Variants in NFKB1 observed in about 807,000 individuals in gnomAD.
NFKB1 encodes nuclear factor kappa B subunit 1.
NFKB1 carries 9 observed loss-of-function variants against 105.1 expected under a neutral mutation model. The observed-to-expected ratio is 0.09, with a 90% confidence interval of 0.05 to 0.15. The LOEUF is 0.15. NFKB1 is among the 10% of genes least tolerant of loss of function. The probability of loss-of-function intolerance (pLI) is 1.00; values close to 1 mark genes in which losing one functional copy is unlikely to be tolerated. For synonymous variants in NFKB1, 440 were observed against 442.2 expected (o/e 1.00, Z 0.06); for missense variants, 830 against 1,203.7 (o/e 0.69, Z 4.59).
At chr4:102,559,238 A>G (rs537792171) in intron 5 of NFKB1, among the ~76,000 whole-genome samples, 6 of 152,326 alleles carry the variant, frequency 3.9e-5, no homozygotes, top group African/African-American at 1.2e-4. Flanking sequence ...GTCTTTTAAT[A>G]TAGAGAAATA....
chr4:102,522,594 G>A (rs1578717544), intron 1 of NFKB1, among the ~76,000 whole-genome samples: 1 of 152,178 alleles, frequency 6.6e-6, no homozygotes, highest in Non-Finnish European at 1.5e-5. Flanking sequence ...TTAAAAATTA[G>A]AGTGAGGACT....
intron 7 of NFKB1, chr4:102,577,750 C>T: frequency 1.1e-6 from 1 of 883,060 alleles, no homozygotes; most frequent in South Asian, 5.2e-5. Context: ...CTCACTGACT[C>T]CCCCTCCTCG....
At chr4:102,568,204 TTGAC>T (rs1342574608) in intron 6 of NFKB1, among the ~76,000 whole-genome samples, 1 of 152,170 alleles carries the variant, frequency 6.6e-6, no homozygotes, top group Non-Finnish European at 1.5e-5. Context: ...ATTTCTTTGT[TTGAC>T]TGTGAAAATA....
rs766773037 is a variant in NFKB1, at chr4:102,613,574, G to A, written c.2742G>A (p.Gln914=). The change falls in exon 23 of 24, where the codon CAG becomes CAA. Residue 914 remains glutamine, a synonymous_variant. Transcript: ENST00000226574. ...SLPLSPASTR[Q]QIDELRDSDS... ...CTCTCTCGCCTGCCTCCACAAGGCA[G>A]CAAATAGGTAAAAAAAAAGACAAAA... 1.2e-6 allele frequency: 2 copies of A among 1,611,342 alleles called. No individual in the cohort carries two copies. The highest frequency in any genetic ancestry group is 2.2e-5 in the South Asian group (2 of 90,856).
intron 16 of NFKB1, among the ~76,000 whole-genome samples, chr4:102,602,493 C>T (rs572773187): frequency 2.0e-5 from 3 of 150,934 alleles, no homozygotes; most frequent in East Asian, 2.0e-4. Context: ...GAGGCGAGAT[C>T]GCGCCACTGC....
rs1265189601 is a variant in NFKB1 at position 102,510,953 on chromosome 4, A to G, written c.-8+9165A>G. ...GAGATATGAAAAGAACCACCAGGTA[A>G]ACTAAAAAGAAAAAGAGTGTTAAAA... On this transcript the variant is annotated intron_variant, in intron 1 of 23. Transcript: ENST00000226574. 5.5e-6 allele frequency: 7 copies of G among 1,283,830 alleles called. No individual in the cohort carries two copies. In the East Asian group the frequency reaches 3.9e-4, roughly 71 times the overall value. The allele number at this position is 1,283,830 out of a possible 1,614,324, so 79.5% of individuals were successfully genotyped here. A position where few individuals can be genotyped will look rare whatever the true frequency, so the allele number is the denominator to read the frequency against.
intron 5 of NFKB1, among the ~76,000 whole-genome samples, chr4:102,559,095 T>C (rs1202267130): frequency 6.6e-6 from 1 of 151,668 alleles, no homozygotes; most frequent in Admixed American, 6.6e-5. Context: ...GTGCCAAAGC[T>C]AAGATTGCTC....
At chr4:102,611,331 T>C (rs974737336) in intron 20 of NFKB1, among the ~76,000 whole-genome samples, 1 of 103,080 alleles carries the variant, frequency 9.7e-6, no homozygotes, top group Admixed American at 1.1e-4. Context: ...ACAGCCTGTA[T>C]GTGTCCAGCT....
At position 102,593,454 on chromosome 4, in the gene NFKB1, A is replaced by C; in HGVS notation, c.1096A>C (p.Lys366Gln). 1 of 1,613,636 alleles carries C rather than the reference A, an allele frequency of 6.2e-7. No homozygotes were observed. Among genetic ancestry groups the C allele is most frequent in the Non-Finnish European group, 8.5e-7 (1 of 1,179,654 alleles). Residue 366 changes from lysine to glutamine, a missense_variant, in exon 12 of 24, where the codon AAG (lysine) becomes CAG (glutamine). By Grantham distance (53) the Lys-to-Gln change is moderately conservative (BLOSUM62 1). Transcript: ENST00000226574. ...DKEEVQRKRQ[K>Q]LMPNFSDSFG... is the part of the protein sequence containing the mutation. ...AGAAGAAGTGCAGAGGAAACGTCAG[A>C]AGCTCATGCCCAATTTTTCGGATAG...
rs371885579 is a variant in NFKB1, at chr4:102,534,627, A to G, written c.159+742A>G. On this transcript the variant is annotated intron_variant, in intron 4 of 23. Coordinates refer to ENST00000226574, the MANE Select transcript of NFKB1 (RefSeq NM_003998.4). ...TGTCTGCCTATAGGAGGTTTCAGTT[A>G]TTAGGGAATGGAAATAATGGTGTAG... is the stretch of plus-strand genomic sequence containing the variant. Among the ~76,000 whole-genome samples, 23 of 152,330 alleles carry G rather than the reference A, an allele frequency of 1.5e-4. No individual in the cohort carries two copies. In the East Asian group the frequency reaches 2.3e-3, roughly 15 times the overall value.
intron 5 of NFKB1, among the ~76,000 whole-genome samples, chr4:102,543,335 T>C (rs1296780919): frequency 3.9e-5 from 6 of 152,140 alleles, no homozygotes; most frequent in Non-Finnish European, 2.9e-5. Context: ...GTCCACTCTA[T>C]GCAAAACCAG....
intron 1 of NFKB1, among the ~76,000 whole-genome samples, chr4:102,523,654 C>A (rs1027422469): frequency 6.6e-6 from 1 of 152,180 alleles, no homozygotes. Flanking sequence ...ATGGTCAGAG[C>A]AGATCTGTCT....
At chr4:102,556,662 C>T (rs1723010264) in intron 5 of NFKB1, among the ~76,000 whole-genome samples, 1 of 152,008 alleles carries the variant, frequency 6.6e-6, no homozygotes, top group Admixed American at 6.5e-5. Flanking sequence ...TTGCAAAGGG[C>T]CTCAGATTAA....
chr4:102,608,416 T>G (rs1728028281), intron 19 of NFKB1, among the ~76,000 whole-genome samples: 1 of 152,226 alleles, frequency 6.6e-6, no homozygotes, highest in Non-Finnish European at 1.5e-5. Context: ...GTGACAGAGC[T>G]ATGAATCACA....
intron 4 of NFKB1, among the ~76,000 whole-genome samples, chr4:102,534,094 T>G (rs536380569): frequency 6.6e-6 from 1 of 152,344 alleles, no homozygotes; most frequent in Non-Finnish European, 1.5e-5. Context: ...TATGTAGTTC[T>G]GTAAAACTGC....
intron 17 of NFKB1, 62 bp from the exon 18 acceptor site, chr4:102,607,088 A>G (rs1025100848): frequency 1.3e-6 from 2 of 1,553,924 alleles, no homozygotes; most frequent in African/African-American, 1.4e-5. Context: ...CTTCAGCTTC[A>G]CAAGGGCCAT....
At chr4:102,605,508 C>CTGAT (rs1727634534) in intron 16 of NFKB1, among the ~76,000 whole-genome samples, 1 of 152,156 alleles carries the variant, frequency 6.6e-6, no homozygotes, top group Non-Finnish European at 1.5e-5. Context: ...GTGAAATAAA[C>CTGAT]TGATTTGTAT....
rs570991104 is a variant in NFKB1, at chr4:102,583,003, G to A, written c.927+46G>A. 1.3e-5 allele frequency: 17 copies of A among 1,335,826 alleles called. No individual in the cohort carries two copies. In the South Asian group the frequency reaches 1.5e-4, roughly 12 times the overall value. 82.7% of individuals were successfully genotyped at this position (1,335,826 alleles called of 1,614,324 possible). A position where few individuals can be genotyped will look rare whatever the true frequency, so the allele number is the denominator to read the frequency against. ...ATTAATCCTTATTATTTTTAGAGAT[G>A]GGATCTCACTCTGACACCCAGGCTG... is the stretch of plus-strand genomic sequence containing the variant. On this transcript the variant is annotated intron_variant, in intron 10 of 23. Transcript: ENST00000226574.
intron 6 of NFKB1, among the ~76,000 whole-genome samples, chr4:102,576,611 G>A (rs147131348): frequency 3.0e-4 from 45 of 152,132 alleles, no homozygotes; most frequent in Non-Finnish European, 6.3e-4. Context: ...TATATATTTC[G>A]CTGAGGAAAT....
Sources: gnomAD v4.1 joint callset for allele counts (sites outside exome capture counted in the v4.1 genomes callset) on GRCh38, gnomAD v4.1.1 for gene constraint, MANE v1.5 for transcripts, NCBI Gene and HGNC (gene_info 2026-07-23, HGNC 2026-07-21) for gene names.